The following SLC24A2 variants were observed in gnomAD, a reference collection of about 807,000 sequenced individuals.
SLC24A2 encodes solute carrier family 24 member 2.
SLC24A2 carries 36 observed loss-of-function variants against 62.0 expected under a neutral mutation model. The ratio of observed to expected loss-of-function variants is 0.58; its 90% confidence interval spans 0.44 to 0.77. The LOEUF is 0.77. Ranked by LOEUF, SLC24A2 falls within the 30% of genes least tolerant of loss-of-function variation. The pLI is 0.00. For missense variants in SLC24A2, 846 were observed against 817.9 expected (o/e 1.03, Z -0.42); for synonymous variants, 358 against 294.0 (o/e 1.22, Z -2.23).
At chr9:19,905,148 C>G in the SLC24A2 span, among the ~76,000 whole-genome samples, 1 of 152,090 alleles carries the variant, frequency 6.6e-6, no homozygotes, top group Non-Finnish European at 1.5e-5. Context: ...CAGGATCTGA[C>G]AGGGAGGAAA....
chr9:20,278,408 T>C, the SLC24A2 span, among the ~76,000 whole-genome samples: 1 of 152,134 alleles, frequency 6.6e-6, no homozygotes, highest in Non-Finnish European at 1.5e-5. Context: ...CCAAGACACA[T>C]CTTGAATGCT....
chr9:19,991,938 C>A, the SLC24A2 span, among the ~76,000 whole-genome samples: 337 of 152,188 alleles, frequency 2.2e-3, 7 homozygotes, highest in African/African-American at 7.7e-3. Context: ...AGCAACAGGA[C>A]TTGGGGACTG....
the SLC24A2 span, among the ~76,000 whole-genome samples, chr9:19,952,163 T>C: frequency 6.6e-6 from 1 of 152,092 alleles, no homozygotes; most frequent in Admixed American, 6.5e-5. Flanking sequence ...TTTTTGTATA[T>C]TGATGTTGTA....
the SLC24A2 span, chr9:19,926,571 G>A: frequency 2.0e-5 from 3 of 150,084 alleles, no homozygotes; most frequent in Non-Finnish European, 2.9e-5. Context: ...GTTTATGCAG[G>A]TATAAAAAAA....
intron 2 of SLC24A2, among the ~76,000 whole-genome samples, chr9:19,765,561 A>T (rs894495611): frequency 6.6e-6 from 1 of 152,202 alleles, no homozygotes; most frequent in Admixed American, 6.5e-5. Context: ...TATGAGGCTT[A>T]GTTTGGCTGG....
At chr9:19,537,242 A>G (rs1043057922) in intron 8 of SLC24A2, among the ~76,000 whole-genome samples, 15 of 142,924 alleles carry the variant, frequency 1.0e-4, no homozygotes, top group African/African-American at 3.7e-4. Context: ...TTTTGTTGCC[A>G]TTGCTTTTGG....
intron 8 of SLC24A2, among the ~76,000 whole-genome samples, chr9:19,535,147 A>G (rs1222034325): frequency 6.6e-6 from 1 of 152,100 alleles, no homozygotes; most frequent in Admixed American, 6.6e-5. Context: ...CTGGCTGCAT[A>G]AATGTCGTCT....
chr9:19,990,921 G>GATATATATAT, the SLC24A2 span, among the ~76,000 whole-genome samples: 1 of 18,382 alleles, frequency 5.4e-5, no homozygotes. Context: ...AGGACTAATA[G>GATATATATAT]GATATATATA....
chr9:19,545,725 A>G (rs1236567160), intron 8 of SLC24A2, among the ~76,000 whole-genome samples: 2 of 149,010 alleles, frequency 1.3e-5, no homozygotes, highest in African/African-American at 2.5e-5. Context: ...TGCAAGCTCC[A>G]CCTCCTGGGT....
the SLC24A2 span, among the ~76,000 whole-genome samples, chr9:20,124,862 C>T: frequency 6.6e-6 from 1 of 152,124 alleles, no homozygotes; most frequent in Non-Finnish European, 1.5e-5. Context: ...TATTGGGTAG[C>T]CCAAGGGAAG....
At chr9:20,045,484 T>G in the SLC24A2 span, among the ~76,000 whole-genome samples, 26 of 152,096 alleles carry the variant, frequency 1.7e-4, no homozygotes, top group African/African-American at 5.8e-4. Flanking sequence ...CGGGCTGGAG[T>G]GCGGTGGCAC....
the SLC24A2 span, among the ~76,000 whole-genome samples, chr9:20,080,482 T>C: frequency 1.3e-5 from 2 of 152,126 alleles, no homozygotes; most frequent in Non-Finnish European, 2.9e-5. Flanking sequence ...TAATTCAAGA[T>C]GGATTAAAGA....
At chr9:20,118,193 A>G in the SLC24A2 span, among the ~76,000 whole-genome samples, 1 of 151,574 alleles carries the variant, frequency 6.6e-6, no homozygotes, top group Non-Finnish European at 1.5e-5. Context: ...GAAAGAAAAA[A>G]GAAACTTCCT....
chr9:19,825,655 T>A, the SLC24A2 span, among the ~76,000 whole-genome samples: 1 of 152,236 alleles, frequency 6.6e-6, no homozygotes, highest in Admixed American at 6.5e-5. Flanking sequence ...AACTTCAGCA[T>A]AGAAGGTAGA....
the SLC24A2 span, among the ~76,000 whole-genome samples, chr9:19,878,535 T>C: frequency 6.6e-6 from 1 of 152,146 alleles, no homozygotes; most frequent in Non-Finnish European, 1.5e-5. Context: ...TCATGTAGAA[T>C]TGTAATTCCC....
the SLC24A2 span, among the ~76,000 whole-genome samples, chr9:20,120,788 C>G: frequency 6.6e-6 from 1 of 152,034 alleles, no homozygotes; most frequent in East Asian, 1.9e-4. Context: ...GACTTATGAT[C>G]ACTTTCAGAT....
At chr9:20,224,620 T>C in the SLC24A2 span, among the ~76,000 whole-genome samples, 1 of 151,314 alleles carries the variant, frequency 6.6e-6, no homozygotes, top group Non-Finnish European at 1.5e-5. Flanking sequence ...AAACTGCAGG[T>C]TAACAGATAA....
intron 2 of SLC24A2, among the ~76,000 whole-genome samples, chr9:19,637,469 C>T (rs1818388794): frequency 6.6e-6 from 1 of 152,138 alleles, no homozygotes. Context: ...TGGTTTACAT[C>T]TGTGATTGCA....
At chr9:20,285,305 G>T in the SLC24A2 span, among the ~76,000 whole-genome samples, 2 of 152,176 alleles carry the variant, frequency 1.3e-5, no homozygotes, top group African/African-American at 4.8e-5. Flanking sequence ...GTAGAAAGAG[G>T]TTTATTATAA....
Sources: allele counts gnomAD v4.1 joint callset (sites outside exome capture counted in the v4.1 genomes callset), GRCh38; gene constraint gnomAD v4.1.1; transcripts MANE v1.5; gene names NCBI Gene and HGNC (gene_info 2026-07-23, HGNC 2026-07-21).